SLC4A10: variants seen among roughly 807,000 people sequenced by gnomAD.
SLC4A10 encodes sodium-driven chloride bicarbonate exchanger.
In SLC4A10, 42 loss-of-function variants were observed where a neutral mutation model predicts 137.7. That is an observed-to-expected ratio of 0.30 (90% CI 0.24 to 0.39). The LOEUF (loss-of-function observed/expected upper bound fraction) is 0.39, where lower values mean the gene tolerates loss of function less well. SLC4A10 is among the 10% of genes least tolerant of loss of function. The pLI, the probability that SLC4A10 is intolerant of heterozygous loss-of-function variation, is 1.00. For synonymous variants in SLC4A10, 474 were observed against 464.1 expected (o/e 1.02, Z -0.27); for missense variants, 925 against 1,355.0 (o/e 0.68, Z 4.98).
chr2:161,759,595 G>T lies in SLC4A10; in HGVS notation c.49-11378G>T, dbSNP rs577948964. On this transcript the variant is annotated intron_variant, in intron 1 of 26. Transcript: ENST00000446997. ...GATCATATAGTACTTGTTTTTCTGTGTCTGGCTTATTTCACTTAGCGTAAT... is the reference window on the plus strand; with the variant it reads ...GATCATATAGTACTTGTTTTTCTGTTTCTGGCTTATTTCACTTAGCGTAAT... Among the ~76,000 whole-genome samples, 155 of 151,862 alleles carry T rather than the reference G, an allele frequency of 1.0e-3. 6 individuals are homozygous for T. The South Asian group carries it at 0.03, about 30-fold the overall frequency.
At chr2:161,838,411 C>T (rs1307984874) in intron 3 of SLC4A10, among the ~76,000 whole-genome samples, 1 of 151,936 alleles carries the variant, frequency 6.6e-6, no homozygotes, top group East Asian at 1.9e-4. Context: ...TCTTTGTGAC[C>T]TTTAGGCAGA....
chr2:161,674,828 T>C (rs2040110872), intron 1 of SLC4A10, among the ~76,000 whole-genome samples: 1 of 152,200 alleles, frequency 6.6e-6, no homozygotes, highest in African/African-American at 2.4e-5. Flanking sequence ...TGACTTCTGC[T>C]ATTAAAGAGC....
intron 1 of SLC4A10, among the ~76,000 whole-genome samples, chr2:161,731,387 G>C (rs1244679876): frequency 1.3e-5 from 2 of 152,024 alleles, no homozygotes; most frequent in Non-Finnish European, 2.9e-5. Context: ...TATATTCAAA[G>C]ATAAATAACA....
intron 1 of SLC4A10, among the ~76,000 whole-genome samples, chr2:161,671,875 C>G (rs1169878365): frequency 6.6e-6 from 1 of 152,086 alleles, no homozygotes; most frequent in Non-Finnish European, 1.5e-5. Context: ...TCAAAAAACC[C>G]TATAAATCAA....
At chr2:161,838,268 T>C (rs1216507067) in intron 3 of SLC4A10, among the ~76,000 whole-genome samples, 1 of 132,750 alleles carries the variant, frequency 7.5e-6, no homozygotes, top group African/African-American at 2.8e-5. Context: ...CAATTTAACA[T>C]CCATATGCAA....
intron 6 of SLC4A10, among the ~76,000 whole-genome samples, chr2:161,871,284 G>C (rs191230357): frequency 6.6e-6 from 1 of 151,834 alleles, no homozygotes; most frequent in Non-Finnish European, 1.5e-5. Context: ...GCCAGACAGA[G>C]AGAGTATTTC....
chr2:161,761,005 A>T (rs1260376561), intron 1 of SLC4A10, among the ~76,000 whole-genome samples: 3 of 152,190 alleles, frequency 2.0e-5, no homozygotes, highest in Non-Finnish European at 4.4e-5. Flanking sequence ...TATAAATAAT[A>T]TTAAAAACAA....
intron 15 of SLC4A10, among the ~76,000 whole-genome samples, chr2:161,917,593 G>T (rs1384796785): frequency 6.9e-6 from 1 of 144,936 alleles, no homozygotes; most frequent in Admixed American, 6.9e-5. Context: ...AAAAAAAAAA[G>T]AAAGAAAGAG....
chr2:161,756,295 G>A (rs1198260998), intron 1 of SLC4A10, among the ~76,000 whole-genome samples: 1 of 152,076 alleles, frequency 6.6e-6, no homozygotes, highest in Non-Finnish European at 1.5e-5. Flanking sequence ...ACAAATCTAA[G>A]TTGCCAATAT....
intron 3 of SLC4A10, among the ~76,000 whole-genome samples, chr2:161,831,286 A>C (rs186104746): frequency 6.6e-6 from 1 of 152,186 alleles, no homozygotes; most frequent in East Asian, 1.9e-4. Flanking sequence ...TCAATAACTT[A>C]TTAATTGGTT....
intron 1 of SLC4A10, among the ~76,000 whole-genome samples, chr2:161,672,091 G>A (rs1437559578): frequency 6.6e-6 from 1 of 152,114 alleles, no homozygotes; most frequent in Non-Finnish European, 1.5e-5. Flanking sequence ...TAGGGTACAT[G>A]GTGGGATGTA....
At chr2:161,694,184 A>G (rs2042266476) in intron 1 of SLC4A10, among the ~76,000 whole-genome samples, 1 of 152,050 alleles carries the variant, frequency 6.6e-6, no homozygotes, top group African/African-American at 2.4e-5. Context: ...CTTAGTATAA[A>G]TAAATCAAAA....
intron 2 of SLC4A10, among the ~76,000 whole-genome samples, chr2:161,791,583 T>C (rs1319547328): frequency 6.6e-6 from 1 of 152,138 alleles, no homozygotes; most frequent in Admixed American, 6.5e-5. Context: ...CATTTACCTA[T>C]GCAACAAAAC....
At chr2:161,859,457 AT>A (rs1245830549) in intron 5 of SLC4A10, among the ~76,000 whole-genome samples, 1 of 150,684 alleles carries the variant, frequency 6.6e-6, no homozygotes, top group Non-Finnish European at 1.5e-5. Flanking sequence ...TGCCCAGCTA[AT>A]TTTTTTGTAT....
intron 10 of SLC4A10, among the ~76,000 whole-genome samples, chr2:161,885,203 TAAGA>T (rs1486685510): frequency 6.6e-6 from 1 of 151,170 alleles, no homozygotes; most frequent in African/African-American, 2.4e-5. Context: ...GATAAATAAA[TAAGA>T]AAGAAAAAGA....
intron 1 of SLC4A10, among the ~76,000 whole-genome samples, chr2:161,739,682 A>C (rs2047686340): frequency 6.6e-6 from 1 of 152,124 alleles, no homozygotes; most frequent in African/African-American, 2.4e-5. Flanking sequence ...CCCCAATAGG[A>C]GTGTAGCCCC....
At chr2:161,683,565 A>G (rs964191024) in intron 1 of SLC4A10, among the ~76,000 whole-genome samples, 2 of 152,114 alleles carry the variant, frequency 1.3e-5, no homozygotes, top group African/African-American at 4.8e-5. Context: ...GGCATTGCTT[A>G]TTCTGTTCTT....
intron 2 of SLC4A10, among the ~76,000 whole-genome samples, chr2:161,792,279 A>T (rs1256832988): frequency 6.6e-6 from 1 of 152,172 alleles, no homozygotes; most frequent in East Asian, 1.9e-4. Flanking sequence ...ATATAATCCT[A>T]TACATATTAA....
intron 23 of SLC4A10, among the ~76,000 whole-genome samples, chr2:161,968,108 T>C (rs1467977282): frequency 6.6e-6 from 1 of 152,200 alleles, no homozygotes; most frequent in African/African-American, 2.4e-5. Flanking sequence ...TAATCTATTA[T>C]GTAATGTTTA....
Sources: allele counts gnomAD v4.1 joint callset (sites outside exome capture counted in the v4.1 genomes callset), GRCh38; gene constraint gnomAD v4.1.1; transcripts MANE v1.5; gene names NCBI Gene and HGNC (gene_info 2026-07-23, HGNC 2026-07-21).